The following OLFM3 variants were observed in gnomAD, a reference collection of about 807,000 sequenced individuals.
OLFM3 encodes olfactomedin 3.
In OLFM3, 20 loss-of-function variants were observed where a neutral mutation model predicts 48.6. That is an observed-to-expected ratio of 0.41 (90% CI 0.29 to 0.60). The LOEUF (loss-of-function observed/expected upper bound fraction) is 0.60. Ranked by LOEUF, OLFM3 falls within the 20% of genes least tolerant of loss-of-function variation. The pLI is 0.28. For synonymous variants in OLFM3, 222 were observed against 198.1 expected (o/e 1.12, Z -1.01); for missense variants, 437 against 544.3 (o/e 0.80, Z 1.96).
intron 1 of OLFM3, among the ~76,000 whole-genome samples, chr1:101,924,087 C>G (rs1402341762): frequency 2.6e-5 from 4 of 152,160 alleles, no homozygotes; most frequent in African/African-American, 9.6e-5. Context: ...CATTAACTTT[C>G]TCTCCACAGT....
chr1:101,882,013 T>C (rs1048115058), intron 1 of OLFM3, among the ~76,000 whole-genome samples: 3 of 151,530 alleles, frequency 2.0e-5, no homozygotes, highest in Admixed American at 6.6e-5. Flanking sequence ...TGGATGCTTA[T>C]AATCAAAACT....
intron 4 of OLFM3, among the ~76,000 whole-genome samples, chr1:101,807,207 T>C (rs373222824): frequency 8.6e-5 from 13 of 151,778 alleles, no homozygotes; most frequent in African/African-American, 2.7e-4. Context: ...GCACCCAATA[T>C]ATAGTTTTAT....
chr1:101,990,742 T>C (rs907875485), intron 1 of OLFM3, among the ~76,000 whole-genome samples: 37 of 151,686 alleles, frequency 2.4e-4, no homozygotes, highest in African/African-American at 9.0e-4. Flanking sequence ...TCCCAGCACT[T>C]TGGGAGGCTG....
intron 1 of OLFM3, among the ~76,000 whole-genome samples, chr1:101,963,478 G>T (rs1003117100): frequency 3.3e-5 from 5 of 151,886 alleles, no homozygotes; most frequent in Non-Finnish European, 5.9e-5. Flanking sequence ...ATTTGTATCA[G>T]AAGGTAGCAC....
chr1:101,957,538 C>A (rs1209356000), intron 1 of OLFM3, among the ~76,000 whole-genome samples: 1 of 151,996 alleles, frequency 6.6e-6, no homozygotes, highest in Non-Finnish European at 1.5e-5. Context: ...ACCTAAAAAT[C>A]TAAATGTTGC....
At chr1:101,919,937 A>G (rs1432285469) in intron 1 of OLFM3, among the ~76,000 whole-genome samples, 1 of 152,162 alleles carries the variant, frequency 6.6e-6, no homozygotes, top group Non-Finnish European at 1.5e-5. Context: ...TATCTCAGTA[A>G]ATGGCAACTC....
intron 3 of OLFM3, among the ~76,000 whole-genome samples, chr1:101,826,070 A>G (rs1654848632): frequency 1.3e-5 from 2 of 151,580 alleles, no homozygotes; most frequent in African/African-American, 2.4e-5. Context: ...TGTGTAGTTT[A>G]TGTAATAGAT....
At chr1:101,954,230 A>G (rs1207102680) in intron 1 of OLFM3, among the ~76,000 whole-genome samples, 1 of 152,126 alleles carries the variant, frequency 6.6e-6, no homozygotes, top group Non-Finnish European at 1.5e-5. Flanking sequence ...ATTATAACCC[A>G]AAAGCAAATT....
chr1:101,835,385 G>T (rs1383748996), intron 2 of OLFM3, among the ~76,000 whole-genome samples: 2 of 152,220 alleles, frequency 1.3e-5, no homozygotes, highest in African/African-American at 2.4e-5. Context: ...TGAGTTCTCA[G>T]CTCATTGCAA....
intron 4 of OLFM3, 44 bp from the exon 5 acceptor site, chr1:101,806,226 T>A: frequency 6.9e-7 from 1 of 1,443,500 alleles, no homozygotes; most frequent in Non-Finnish European, 9.8e-7. Flanking sequence ...ACGCAGCCAA[T>A]GATTCCAATA....
intron 1 of OLFM3, among the ~76,000 whole-genome samples, chr1:101,890,701 TAAAC>T (rs562070656): frequency 0.011 from 1,604 of 142,744 alleles, 42 homozygotes; most frequent in African/African-American, 0.038. Context: ...AAAACAAAAT[TAAAC>T]AAACAAAAAC....
intron 1 of OLFM3, among the ~76,000 whole-genome samples, chr1:101,988,893 G>A (rs1661322673): frequency 6.6e-6 from 1 of 152,060 alleles, no homozygotes; most frequent in Non-Finnish European, 1.5e-5. Flanking sequence ...AGAAAAGAGT[G>A]ATTAGGAATT....
chr1:101,860,920 T>A (rs996657218), intron 1 of OLFM3, among the ~76,000 whole-genome samples: 3 of 152,048 alleles, frequency 2.0e-5, no homozygotes, highest in Non-Finnish European at 4.4e-5. Flanking sequence ...TCTGACTTTT[T>A]GATATAGGTA....
intron 3 of OLFM3, 96 bp downstream of exon 3, chr1:101,830,576 G>T: frequency 7.7e-7 from 1 of 1,291,158 alleles, no homozygotes; most frequent in Non-Finnish European, 1.1e-6. Context: ...TGCACATATG[G>T]GCCAATGCAC....
intron 1 of OLFM3, among the ~76,000 whole-genome samples, chr1:101,921,351 A>G (rs1659088980): frequency 1.3e-5 from 2 of 152,188 alleles, no homozygotes; most frequent in South Asian, 4.1e-4. Context: ...TCTGAGATAT[A>G]AAATCTAAAG....
intron 5 of OLFM3, among the ~76,000 whole-genome samples, 161 bp downstream of exon 5, chr1:101,805,915 C>A (rs1653748911): frequency 6.6e-6 from 1 of 151,732 alleles, no homozygotes; most frequent in Non-Finnish European, 1.5e-5. Flanking sequence ...ATTTGTCATT[C>A]TTTCGTAGAT....
intron 1 of OLFM3, among the ~76,000 whole-genome samples, chr1:101,974,202 A>G (rs1200244186): frequency 6.6e-6 from 1 of 151,808 alleles, no homozygotes; most frequent in Non-Finnish European, 1.5e-5. Flanking sequence ...TTCACCCACT[A>G]TTGGGTCTAT....
In OLFM3 at chr1:101,877,155, T is replaced by C. The variant is rs190976951; in HGVS notation, c.70-40130A>G. On this transcript the variant is annotated intron_variant, in intron 1 of 5. Transcript: ENST00000370103. ...GATAGTTGCAATATCTGACTATAAA[T>C]GATACAAACCATGGTTATTTCTAAT... Among the ~76,000 whole-genome samples, 228 of 152,116 alleles carry C rather than the reference T, an allele frequency of 1.5e-3. 3 individuals are homozygous for C. Among genetic ancestry groups the C allele is most frequent in the Admixed American group, 3.5e-3 (53 of 15,238 alleles).
intron 1 of OLFM3, among the ~76,000 whole-genome samples, chr1:101,860,558 T>C (rs752987151): frequency 1.3e-5 from 2 of 152,038 alleles, no homozygotes; most frequent in African/African-American, 2.4e-5. Flanking sequence ...GTCCGCCCCA[T>C]AAATTTTCTC....
Sources: allele counts gnomAD v4.1 joint callset (sites outside exome capture counted in the v4.1 genomes callset), GRCh38; gene constraint gnomAD v4.1.1; transcripts MANE v1.5; gene names NCBI Gene and HGNC (gene_info 2026-07-23, HGNC 2026-07-21).